The following PCDH7 variants were observed in gnomAD, a reference collection of about 807,000 sequenced individuals.
PCDH7 encodes the protein protocadherin-7.
A neutral mutation model predicts 58.9 loss-of-function variants in PCDH7; 17 were observed. The observed-to-expected ratio is 0.29, with a 90% confidence interval of 0.20 to 0.43. The LOEUF is 0.43. PCDH7 is among the 20% of genes least tolerant of loss of function. The pLI is 1.00. For synonymous variants in PCDH7, 664 were observed against 616.4 expected (o/e 1.08, Z -1.14); for missense variants, 1,274 against 1,441.0 (o/e 0.88, Z 1.88).
intron 1 of PCDH7, among the ~76,000 whole-genome samples, chr4:30,756,185 C>G (rs1001887734): frequency 6.6e-6 from 1 of 152,118 alleles, no homozygotes; most frequent in Admixed American, 6.5e-5. Context: ...ACAACCCACT[C>G]TAGATGGAAT....
chr4:31,098,667 T>C (rs1253490395), intron 3 of PCDH7, among the ~76,000 whole-genome samples: 1 of 152,186 alleles, frequency 6.6e-6, no homozygotes, highest in Non-Finnish European at 1.5e-5. Context: ...ATGGTAGTTT[T>C]CAAGAAAGTG....
intron 2 of PCDH7, among the ~76,000 whole-genome samples, chr4:30,927,543 A>T (rs1328263582): frequency 2.6e-5 from 4 of 151,786 alleles, no homozygotes; most frequent in African/African-American, 9.7e-5. Flanking sequence ...GATCCTGTTG[A>T]TCTATGACCT....
At chr4:31,046,485 C>G (rs1245020359) in intron 3 of PCDH7, among the ~76,000 whole-genome samples, 1 of 152,014 alleles carries the variant, frequency 6.6e-6, no homozygotes. Context: ...TTTGCCATGA[C>G]TCAAATAATC....
intron 1 of PCDH7, among the ~76,000 whole-genome samples, chr4:30,782,535 C>T (rs556992346): frequency 9.2e-5 from 14 of 152,154 alleles, no homozygotes; most frequent in African/African-American, 3.4e-4. Flanking sequence ...TTTTCTTAAC[C>T]ATTGCTAGAT....
intron 3 of PCDH7, among the ~76,000 whole-genome samples, chr4:31,040,408 T>C (rs893296177): frequency 1.3e-5 from 2 of 152,218 alleles, no homozygotes; most frequent in African/African-American, 2.4e-5. Context: ...TAAATGTGCA[T>C]GGTGTTCATA....
intron 3 of PCDH7, among the ~76,000 whole-genome samples, chr4:31,099,917 A>C (rs1315785355): frequency 6.6e-6 from 1 of 151,224 alleles, no homozygotes; most frequent in African/African-American, 2.4e-5. Context: ...TGATCTTTAC[A>C]TTAAAAGCAT....
intron 3 of PCDH7, among the ~76,000 whole-genome samples, chr4:31,005,397 C>T (rs554337616): frequency 6.6e-6 from 1 of 152,132 alleles, no homozygotes; most frequent in South Asian, 2.1e-4. Context: ...TGCTGGTGAA[C>T]ACATAAGGAA....
chr4:30,999,261 T>G (rs1210136764), intron 3 of PCDH7, among the ~76,000 whole-genome samples: 2 of 152,110 alleles, frequency 1.3e-5, no homozygotes, highest in Non-Finnish European at 2.9e-5. Flanking sequence ...ATCAGGACAA[T>G]GAAAATGTTG....
At chr4:30,813,519 T>C (rs978131487) in intron 1 of PCDH7, among the ~76,000 whole-genome samples, 2 of 152,184 alleles carry the variant, frequency 1.3e-5, no homozygotes, top group Non-Finnish European at 2.9e-5. Context: ...AAAATGGAAA[T>C]ACAGTATGAT....
At chr4:31,009,668 G>C (rs1239441670) in intron 3 of PCDH7, among the ~76,000 whole-genome samples, 4 of 151,562 alleles carry the variant, frequency 2.6e-5, no homozygotes, top group Non-Finnish European at 4.4e-5. Context: ...CTCTATCCTT[G>C]GTCTACACAG....
intron 3 of PCDH7, among the ~76,000 whole-genome samples, chr4:30,990,716 A>G (rs1159281487): frequency 6.6e-6 from 1 of 152,152 alleles, no homozygotes; most frequent in African/African-American, 2.4e-5. Context: ...TATTGATGTC[A>G]ATGATATTAG....
chr4:30,725,054 T>A, intron 1 of PCDH7: 1 of 1,003,834 alleles, frequency 1.0e-6, no homozygotes, highest in Non-Finnish European at 1.2e-6. Flanking sequence ...TTAGCTATGT[T>A]ATTTACAATG....
chr4:30,798,992 GA>G (rs986991268), intron 1 of PCDH7, among the ~76,000 whole-genome samples: 41 of 151,984 alleles, frequency 2.7e-4, no homozygotes, highest in African/African-American at 9.4e-4. Context: ...GTTTTCTTTT[GA>G]AAAAAATATA....
chr4:30,934,540 T>TTTTCTTTATTTCATA (rs1745092736), intron 2 of PCDH7, among the ~76,000 whole-genome samples: 1 of 152,136 alleles, frequency 6.6e-6, no homozygotes, highest in Admixed American at 6.6e-5. Flanking sequence ...GGGCTTCATA[T>TTTTCTTTATTTCATA]TTTCTTTATT....
intron 1 of PCDH7, among the ~76,000 whole-genome samples, chr4:30,915,587 G>C (rs1454038451): frequency 6.6e-6 from 1 of 152,004 alleles, no homozygotes; most frequent in East Asian, 1.9e-4. Context: ...GCGGTGGCGC[G>C]ATCTCGGCTC....
intron 3 of PCDH7, among the ~76,000 whole-genome samples, chr4:30,988,718 C>A (rs1182857133): frequency 5.9e-5 from 9 of 152,134 alleles, no homozygotes; most frequent in Non-Finnish European, 1.3e-4. Context: ...AAGTTTGCAA[C>A]ATGAACTGCT....
chr4:30,879,089 A>G (rs893422590), intron 1 of PCDH7, among the ~76,000 whole-genome samples: 2 of 148,594 alleles, frequency 1.3e-5, no homozygotes, highest in Non-Finnish European at 3.0e-5. Context: ...AAGCCACTGA[A>G]CTTAGAGGGA....
intron 3 of PCDH7, among the ~76,000 whole-genome samples, chr4:31,068,762 C>T (rs1031890257): frequency 1.3e-5 from 2 of 151,970 alleles, no homozygotes; most frequent in African/African-American, 4.8e-5. Context: ...TTGAACTCCA[C>T]CTGACATTGT....
At chr4:30,944,426 T>G (rs894825513) in intron 2 of PCDH7, among the ~76,000 whole-genome samples, 5 of 152,168 alleles carry the variant, frequency 3.3e-5, no homozygotes, top group African/African-American at 1.2e-4. Context: ...TTGAATATGA[T>G]GAATATCAGC....
Sources: allele counts gnomAD v4.1 joint callset (sites outside exome capture counted in the v4.1 genomes callset), GRCh38; gene constraint gnomAD v4.1.1; transcripts MANE v1.5; gene names NCBI Gene and HGNC (gene_info 2026-07-23, HGNC 2026-07-21).